The following ROBO1 variants were observed in gnomAD, a reference collection of about 807,000 sequenced individuals.
ROBO1 encodes roundabout guidance receptor 1, also known as roundabout homolog 1.
ROBO1 carries 149 observed loss-of-function variants against 195.9 expected under a neutral mutation model. The observed-to-expected ratio is 0.76, with a 90% CI of 0.67 to 0.87. The LOEUF is 0.87. Ranked by LOEUF, ROBO1 falls within the 40% of genes least tolerant of loss-of-function variation. ROBO1 has a pLI of 0.00. For missense variants in ROBO1, 1,933 were observed against 2,068.3 expected (o/e 0.93, Z 1.27); for synonymous variants, 816 against 733.2 (o/e 1.11, Z -1.82).
intron 26 of ROBO1, among the ~76,000 whole-genome samples, chr3:78,626,756 TAC>T (rs10608986): frequency 0.098 from 14,263 of 146,092 alleles, 906 homozygotes; most frequent in African/African-American, 0.19. Context: ...AGCACACACA[TAC>T]ACACACACAC....
intron 4 of ROBO1, among the ~76,000 whole-genome samples, chr3:78,870,108 A>G (rs1243924974): frequency 1.3e-5 from 2 of 152,144 alleles, no homozygotes; most frequent in Non-Finnish European, 2.9e-5. Flanking sequence ...GCAAAGAACA[A>G]TCTTATTTTT....
intron 2 of ROBO1, among the ~76,000 whole-genome samples, chr3:79,414,822 A>T (rs2037932579): frequency 6.6e-6 from 1 of 152,200 alleles, no homozygotes; most frequent in East Asian, 1.9e-4. Flanking sequence ...AGTACTGAAG[A>T]TTATCAGCAG....
intron 2 of ROBO1, among the ~76,000 whole-genome samples, chr3:79,330,080 A>C (rs977618845): frequency 6.6e-6 from 1 of 151,754 alleles, no homozygotes; most frequent in African/African-American, 2.4e-5. Flanking sequence ...TTAGTAATTT[A>C]AAAGGGTGAT....
chr3:79,213,321 A>G (rs2081998738), intron 2 of ROBO1, among the ~76,000 whole-genome samples: 1 of 152,164 alleles, frequency 6.6e-6, no homozygotes. Flanking sequence ...TCCACATATT[A>G]TTTTATTTGA....
intron 2 of ROBO1, among the ~76,000 whole-genome samples, chr3:79,395,921 A>G (rs2037138416): frequency 5.3e-5 from 8 of 152,096 alleles, no homozygotes; most frequent in Admixed American, 5.2e-4. Context: ...ATGACTTTGC[A>G]TTGGAAATGC....
Position 78,657,141 on chromosome 3 carries a change from C to T in ROBO1, c.2571G>A (p.Gly857=), listed in dbSNP as rs1227459441. Residue 857 remains glycine (G), a synonymous_variant, in exon 18 of 31, where the codon GGG becomes GGA. Transcript: ENST00000464233. ...RYSVEVAAST[G]AGSGVKSEPQ... ...GCTCACTCTTTACCCCAGACCCAGC[C>T]CCAGTGCTGGCTGCCACTTCCACAC... 6.2e-7 allele frequency: 1 copy of T among 1,612,348 alleles called. No homozygotes were observed. The highest frequency in any genetic ancestry group is 1.7e-5 in the Admixed American group (1 of 59,842).
intron 2 of ROBO1, among the ~76,000 whole-genome samples, chr3:79,484,067 T>A (rs944902398): frequency 6.6e-6 from 1 of 152,172 alleles, no homozygotes; most frequent in Admixed American, 6.5e-5. Context: ...TTAGCCAAGG[T>A]CACTCTTCCC....
In ROBO1 at chr3:79,270,220, T is replaced by A. The variant is rs913770915; in HGVS notation, c.89-144681A>T. On this transcript the variant is annotated intron_variant, in intron 2 of 30. Transcript: ENST00000464233. The stretch of plus-strand genomic sequence containing the variant: ...CTCTCTCTCTCTCTCTCTCTCTCTC[T>A]CACATACACACACATACACAGAGGA... 2.7e-4 allele frequency among the ~76,000 whole-genome samples: 38 copies of A among 140,382 alleles called. No homozygotes were observed. The South Asian group carries it at 6.7e-3, about 25-fold the overall frequency. 92.1% of individuals were successfully genotyped at this position (140,382 alleles called of 152,430 possible). A position where few individuals can be genotyped will look rare whatever the true frequency, so the allele number is the denominator to read the frequency against.
Position 78,646,197 on chromosome 3 carries a change from T to C in ROBO1, c.2840-7A>G. ...CCTCCTCTCTGGTAAGTTACTAGAATGTTACGAAAAAAAAAAGGAACAATT... is the reference window on the plus strand; with the variant it reads ...CCTCCTCTCTGGTAAGTTACTAGAACGTTACGAAAAAAAAAAGGAACAATT... On this transcript the variant is annotated splice_polypyrimidine_tract_variant and splice_region_variant and intron_variant, in intron 20 of 30. Transcript: ENST00000464233. 2.5e-6 allele frequency: 4 copies of C among 1,603,746 alleles called. No individual in the cohort carries two copies. The highest frequency in any genetic ancestry group is 1.1e-5 in the South Asian group (1 of 90,228).
intron 1 of ROBO1, among the ~76,000 whole-genome samples, chr3:79,736,319 G>A (rs902354013): frequency 5.9e-5 from 9 of 152,184 alleles, no homozygotes; most frequent in Non-Finnish European, 1.2e-4. Context: ...GTTTAGGGAA[G>A]GGCCAAATAA....
At chr3:78,808,736 A>G (rs2084629556) in intron 4 of ROBO1, among the ~76,000 whole-genome samples, 1 of 152,192 alleles carries the variant, frequency 6.6e-6, no homozygotes, top group South Asian at 2.1e-4. Context: ...GACAAAAACA[A>G]GCAATGGGGA....
intron 2 of ROBO1, among the ~76,000 whole-genome samples, chr3:79,513,255 T>G (rs1015557519): frequency 6.6e-6 from 1 of 152,148 alleles, no homozygotes; most frequent in Non-Finnish European, 1.5e-5. Context: ...ATGTAATATA[T>G]TCTATCATAG....
intron 3 of ROBO1, among the ~76,000 whole-genome samples, chr3:78,989,089 C>T (rs1227002509): frequency 1.3e-5 from 2 of 151,964 alleles, no homozygotes; most frequent in African/African-American, 4.8e-5. Context: ...CATTCTATAC[C>T]ACTGTAAAGT....
At chr3:78,857,123 T>C (rs1394889401) in intron 4 of ROBO1, among the ~76,000 whole-genome samples, 1 of 152,150 alleles carries the variant, frequency 6.6e-6, no homozygotes, top group Non-Finnish European at 1.5e-5. Context: ...TCACACAATA[T>C]TCATCCTTTT....
chr3:79,023,955 C>T (rs1049098094), intron 3 of ROBO1, among the ~76,000 whole-genome samples: 1 of 151,564 alleles, frequency 6.6e-6, no homozygotes, highest in African/African-American at 2.4e-5. Flanking sequence ...CGTTATCTGC[C>T]CACCTCAGCC....
chr3:79,541,593 A>G (rs543538366), intron 2 of ROBO1, among the ~76,000 whole-genome samples: 1 of 152,138 alleles, frequency 6.6e-6, no homozygotes, highest in East Asian at 1.9e-4. Flanking sequence ...TTAAAAGTAA[A>G]GTTGAAAACT....
At chr3:78,730,851 G>C (rs1185737955) in intron 5 of ROBO1, among the ~76,000 whole-genome samples, 3 of 152,140 alleles carry the variant, frequency 2.0e-5, no homozygotes, top group Non-Finnish European at 4.4e-5. Flanking sequence ...TACATCCTTA[G>C]AGGAAGCAAG....
intron 3 of ROBO1, among the ~76,000 whole-genome samples, chr3:79,096,806 T>G (rs2079578937): frequency 6.6e-6 from 1 of 151,148 alleles, no homozygotes; most frequent in African/African-American, 2.4e-5. Context: ...GGAGCTGTCT[T>G]ACCCTGGAGT....
intron 2 of ROBO1, among the ~76,000 whole-genome samples, chr3:79,458,872 A>T (rs2039706555): frequency 6.6e-6 from 1 of 152,106 alleles, no homozygotes; most frequent in Non-Finnish European, 1.5e-5. Flanking sequence ...CCAATTTGCC[A>T]GAGTAATACT....
Sources: gnomAD v4.1 joint callset for allele counts (sites outside exome capture counted in the v4.1 genomes callset) on GRCh38, gnomAD v4.1.1 for gene constraint, MANE v1.5 for transcripts, NCBI Gene and HGNC (gene_info 2026-07-23, HGNC 2026-07-21) for gene names.